The following TOP6BL variants were observed in gnomAD, a reference collection of about 807,000 sequenced individuals.
TOP6BL encodes TOP6B like initiator of meiotic double strand breaks, also known as type 2 DNA topoisomerase 6 subunit B-like.
chr11:66,753,785 A>C, the TOP6BL span, among the ~76,000 whole-genome samples: 1 of 150,540 alleles, frequency 6.6e-6, no homozygotes, highest in African/African-American at 2.5e-5. Context: ...GCTCACTGCA[A>C]CCTCCACCTC....
chr11:66,780,471 T>C, the TOP6BL span, among the ~76,000 whole-genome samples: 1 of 152,302 alleles, frequency 6.6e-6, no homozygotes, highest in South Asian at 2.1e-4. Flanking sequence ...CTTAACCTCA[T>C]TTTTAAAGGA....
chr11:66,783,247 T>C, the TOP6BL span, among the ~76,000 whole-genome samples: 1 of 152,132 alleles, frequency 6.6e-6, no homozygotes, highest in Non-Finnish European at 1.5e-5. Flanking sequence ...CCTGTAGTTC[T>C]AGTGAGTTGG....
the TOP6BL span, chr11:66,756,292 A>G: frequency 1.8e-6 from 2 of 1,127,028 alleles, no homozygotes; most frequent in South Asian, 1.9e-5. Flanking sequence ...ACTATGAAAC[A>G]TACTGTTTGG....
chr11:66,821,969 T>C, the TOP6BL span, among the ~76,000 whole-genome samples: 1 of 152,294 alleles, frequency 6.6e-6, no homozygotes, highest in East Asian at 1.9e-4. Context: ...TGCTTAGTCT[T>C]ACCTCCTAGT....
the TOP6BL span, chr11:66,842,998 G>A: frequency 5.8e-6 from 9 of 1,550,986 alleles, no homozygotes; most frequent in East Asian, 1.7e-4. Flanking sequence ...CACTCCTAGA[G>A]GAAGGGAGCA....
the TOP6BL span, among the ~76,000 whole-genome samples, chr11:66,770,164 T>C: frequency 6.6e-6 from 1 of 152,168 alleles, no homozygotes; most frequent in South Asian, 2.1e-4. Flanking sequence ...GGCAGCTATC[T>C]GAAAGCCAGG....
chr11:66,761,538 C>G, the TOP6BL span: 124 of 983,428 alleles, frequency 1.3e-4, 1 homozygote, highest in African/African-American at 2.0e-3. Context: ...CTGGCCAAAG[C>G]CTGCCATAAA....
At chr11:66,782,912 C>A in the TOP6BL span, among the ~76,000 whole-genome samples, 122 of 152,286 alleles carry the variant, frequency 8.0e-4, no homozygotes, top group Admixed American at 4.8e-3. Flanking sequence ...CTTTCTTCCT[C>A]CTTATCCCCA....
chr11:66,798,189 G>T, the TOP6BL span, among the ~76,000 whole-genome samples: 2 of 152,044 alleles, frequency 1.3e-5, no homozygotes, highest in Non-Finnish European at 2.9e-5. Flanking sequence ...GAACAGTGAG[G>T]TACACTGGAG....
chr11:66,783,613 C>G, the TOP6BL span, among the ~76,000 whole-genome samples: 2 of 151,716 alleles, frequency 1.3e-5, no homozygotes, highest in African/African-American at 4.8e-5. Context: ...TTGCTTTTGC[C>G]TTGTTTTTTC....
At chr11:66,781,287 T>C in the TOP6BL span, among the ~76,000 whole-genome samples, 1 of 152,178 alleles carries the variant, frequency 6.6e-6, no homozygotes, top group Non-Finnish European at 1.5e-5. Context: ...TTTTTGTTAT[T>C]TGTCTTCAGT....
At chr11:66,764,948 A>T in the TOP6BL span, among the ~76,000 whole-genome samples, 2 of 152,022 alleles carry the variant, frequency 1.3e-5, no homozygotes, top group East Asian at 3.9e-4. Context: ...AGCCTTGGTG[A>T]CAGAGTGAGA....
At chr11:66,793,039 C>T in the TOP6BL span, among the ~76,000 whole-genome samples, 2 of 151,960 alleles carry the variant, frequency 1.3e-5, no homozygotes, top group African/African-American at 4.8e-5. Flanking sequence ...ATGAATAATC[C>T]TAGACATATT....
chr11:66,838,270 C>A, the TOP6BL span: 1 of 1,004,064 alleles, frequency 1.0e-6, no homozygotes, highest in Non-Finnish European at 1.5e-6. Context: ...GGGCAGATAA[C>A]CTTGTGAGGT....
the TOP6BL span, chr11:66,842,929 A>G: frequency 6.4e-7 from 1 of 1,560,156 alleles, no homozygotes; most frequent in Non-Finnish European, 8.7e-7. Context: ...GCGCTCTGCC[A>G]GGGCCCCGAG....
chr11:66,778,018 T>C, the TOP6BL span, among the ~76,000 whole-genome samples: 5 of 152,188 alleles, frequency 3.3e-5, no homozygotes, highest in Non-Finnish European at 7.3e-5. Flanking sequence ...TTAATTATAT[T>C]TCTCTGAACC....
chr11:66,807,490 G>A, the TOP6BL span, among the ~76,000 whole-genome samples: 2 of 152,284 alleles, frequency 1.3e-5, no homozygotes, highest in East Asian at 3.9e-4. Flanking sequence ...AGAATCTCTT[G>A]AACCTGGGAG....
the TOP6BL span, among the ~76,000 whole-genome samples, chr11:66,765,023 G>A: frequency 1.3e-5 from 2 of 152,052 alleles, no homozygotes; most frequent in Non-Finnish European, 2.9e-5. Flanking sequence ...GAGGAGATAG[G>A]AGCATTCCTT....
chr11:66,836,488 C>T, the TOP6BL span, among the ~76,000 whole-genome samples: 2 of 151,300 alleles, frequency 1.3e-5, no homozygotes, highest in Non-Finnish European at 3.0e-5. Flanking sequence ...GGATTACAGA[C>T]GTGAGCCACC....
Sources: gnomAD v4.1 joint callset for allele counts (sites outside exome capture counted in the v4.1 genomes callset) on GRCh38, gnomAD v4.1.1 for gene constraint, MANE v1.5 for transcripts, NCBI Gene and HGNC (gene_info 2026-07-23, HGNC 2026-07-21) for gene names.